The following MACF1 variants were observed in gnomAD, a reference collection of about 807,000 sequenced individuals.
The protein encoded by MACF1 is microtubule actin crosslinking factor 1.
In MACF1, 193 loss-of-function variants were observed where a neutral mutation model predicts 854.8. The observed-to-expected ratio is 0.23, with a 90% CI of 0.20 to 0.25. MACF1 has a LOEUF of 0.25. Ranked by LOEUF, MACF1 falls within the 10% of genes least tolerant of loss-of-function variation. The pLI is 1.00. For synonymous variants in MACF1, 3,185 were observed against 3,226.7 expected, an observed-to-expected ratio of 0.99 and a Z score of 0.44; for missense variants, 7,722 against 8,929.1, an observed-to-expected ratio of 0.86 and a Z score of 5.45.
At chr1:39,093,643 AC>A (rs1641866933) in intron 2 of MACF1, among the ~76,000 whole-genome samples, 1 of 151,544 alleles carries the variant, frequency 6.6e-6, no homozygotes, top group African/African-American at 2.4e-5. Flanking sequence ...ACGCCATCAC[AC>A]CCAGCTAATT....
intron 21 of MACF1, 131 bp from the exon 22 acceptor site, chr1:39,300,079 C>T: frequency 2.3e-6 from 2 of 881,986 alleles, no homozygotes; most frequent in East Asian, 2.6e-5. Flanking sequence ...TTTAAGATGG[C>T]TCCACCAACC....
intron 2 of MACF1, among the ~76,000 whole-genome samples, chr1:39,110,230 C>CTTTTTTTTTTT (rs5773651): frequency 2.4e-5 from 2 of 84,564 alleles, no homozygotes; most frequent in Non-Finnish European, 4.2e-5. Context: ...GGATGTTGTT[C>CTTTTTTTTTTT]TTTTTTTTTT....
At chr1:39,207,986 T>C (rs1479738603) in intron 1 of MACF1, among the ~76,000 whole-genome samples, 6 of 151,362 alleles carry the variant, frequency 4.0e-5, no homozygotes, top group Non-Finnish European at 8.8e-5. Flanking sequence ...ATACAAAAAT[T>C]AGCTGGTGTG....
rs1570251211 is a variant in MACF1, at chr1:39,484,648, T to C, written c.22329T>C (p.Phe7443=). The change falls in exon 100 of 101, where the codon TTT becomes TTC. Residue 7443 remains phenylalanine (F), a synonymous_variant. Transcript: ENST00000564288. ...GSKLKRPTPT[F]HSSRTSLAGD... is the part of the protein sequence containing the mutation. ...AGTTGAAACGACCAACACCAACTTT[T>C]CATTCTAGTCGGACATCCCTTGCTG... The C allele has an allele frequency of 6.2e-7, 1 of 1,614,162 alleles. No homozygotes were observed.
At position 39,378,421 on chromosome 1, in the gene MACF1, G is replaced by C. The variant is rs777730575; in HGVS notation, c.13214-40G>C. 9.3e-6 allele frequency: 14 copies of C among 1,503,824 alleles called. No individual in the cohort carries two copies. In the East Asian group the frequency reaches 2.3e-4, roughly 24 times the overall value. The allele number at this position is 1,503,824 out of a possible 1,614,324, so 93.2% of individuals were successfully genotyped here. A position where few individuals can be genotyped will look rare whatever the true frequency, so the allele number is the denominator to read the frequency against. ...CAGTGCCTATATGTATTCCTAACACGTTGGTCTTGCCCTGTTTGTCTCCCT... is the reference window on the plus strand; with the variant it reads ...CAGTGCCTATATGTATTCCTAACACCTTGGTCTTGCCCTGTTTGTCTCCCT... On this transcript the variant is annotated intron_variant, in intron 52 of 100. Transcript: ENST00000564288.
chr1:39,124,716 T>C (rs1461151165), intron 2 of MACF1, among the ~76,000 whole-genome samples: 1 of 152,260 alleles, frequency 6.6e-6, no homozygotes, highest in Non-Finnish European at 1.5e-5. Flanking sequence ...TTAACACATC[T>C]TGTACTTATT....
At chr1:39,299,605 T>C (rs1645999200) in intron 21 of MACF1, among the ~76,000 whole-genome samples, 1 of 152,198 alleles carries the variant, frequency 6.6e-6, no homozygotes. Context: ...CAGCAAATAC[T>C]AAGAGGTAAA....
intron 2 of MACF1, among the ~76,000 whole-genome samples, chr1:39,129,771 A>G (rs1009838008): frequency 1.3e-5 from 2 of 152,126 alleles, no homozygotes; most frequent in African/African-American, 2.4e-5. Flanking sequence ...ACACCCTCCT[A>G]TCACACACAC....
In MACF1 at chr1:39,334,007, T is replaced by C. The variant is rs16826077; in HGVS notation, c.7419T>C (p.Asp2473=). Residue 2473 remains aspartate (D), a synonymous_variant, in exon 37 of 101, where the codon GAT becomes GAC. Coordinates refer to ENST00000564288, the MANE Select transcript of MACF1 (RefSeq NM_001394062.1). ...AAACAACAGGACTTATAGACCCTGA[T>C]AGTAAAGCACCTTTAACAGTTGTGC... ...QMETTGLIDP[D]SKAPLTVVQS... 37,794 of 1,614,090 alleles carry C rather than the reference T, an allele frequency of 0.023. 1,875 individuals are homozygous for C. The highest frequency in any genetic ancestry group is 0.21 in the African/African-American group (15,649 of 74,974).
intron 2 of MACF1, among the ~76,000 whole-genome samples, chr1:39,117,533 G>GGTGTGT (rs67609869): frequency 0.11 from 15,921 of 147,576 alleles, 889 homozygotes; most frequent in African/African-American, 0.14. Flanking sequence ...ACCTGCAAGA[G>GGTGTGT]GTGTGTGTGT....
chr1:39,174,111 C>T (rs1643992258), intron 2 of MACF1, among the ~76,000 whole-genome samples: 1 of 152,206 alleles, frequency 6.6e-6, no homozygotes, highest in Non-Finnish European at 1.5e-5. Context: ...GTCATTGCTT[C>T]TACTAGCCTT....
chr1:39,166,071 ATT>A (rs11435818), intron 2 of MACF1, among the ~76,000 whole-genome samples: 1 of 144,246 alleles, frequency 6.9e-6, no homozygotes. Flanking sequence ...AGGGCACTAG[ATT>A]TTTTTTTTTT....
At position 39,323,007 on chromosome 1, in the gene MACF1, A is replaced by C. The variant is rs1478687917; in HGVS notation, c.4235A>C (p.Glu1412Ala). 1 of 1,613,470 alleles carries C rather than the reference A, an allele frequency of 6.2e-7. No homozygotes were observed. The highest frequency in any genetic ancestry group is 2.2e-5 in the East Asian group (1 of 44,876). The change falls in exon 33 of 101, where the codon GAG (glutamate) becomes GCG (alanine). Residue 1412 changes from glutamate to alanine, a missense_variant and splice_region_variant. This residue lies in a region of MACF1 where 1,137 missense variants were observed against 1,263.0 expected (regional missense o/e 0.90). Coordinates refer to ENST00000564288, the MANE Select transcript of MACF1 (RefSeq NM_001394062.1). Reference protein sequence around the residue: ...SDALRRLEEEEKVVEEEKQEH... With the variant: ...SDALRRLEEEAKVVEEEKQEH... ...GCACTCCGGCGTCTGGAGGAGGAGG[A>C]GGTGAGGACAGTTGGGTCCAAAGTC...
upstream of MACF1, among the ~76,000 whole-genome samples, chr1:39,203,211 G>A (rs762261581): frequency 1.3e-5 from 2 of 152,118 alleles, no homozygotes; most frequent in Non-Finnish European, 2.9e-5. Context: ...TACTTTAGAA[G>A]TAAGTAAACA....
At chr1:39,370,285 C>A in intron 51 of MACF1, 99 bp downstream of exon 51, 1 of 1,127,324 alleles carries the variant, frequency 8.9e-7, no homozygotes, top group Non-Finnish European at 1.2e-6. Context: ...ATGAGAAATC[C>A]AAGTTGTCAG....
chr1:39,242,225 C>G lies in MACF1; in HGVS notation c.172-7789C>G, dbSNP rs370872926. Among the ~76,000 whole-genome samples, 19 of 152,134 alleles carry G rather than the reference C, an allele frequency of 1.2e-4. No homozygotes were observed. The East Asian group carries it at 3.7e-3, about 30-fold the overall frequency. On this transcript the variant is annotated intron_variant, in intron 2 of 100. Transcript: ENST00000564288. ...ATTAGCTGGGCGTAGCAGCGCATGC[C>G]TGTAGTCCCAGCTACTCGGGAGGCT...
chr1:39,377,806 C>A (rs796689946), intron 52 of MACF1, among the ~76,000 whole-genome samples: 1 of 152,064 alleles, frequency 6.6e-6, no homozygotes, highest in South Asian at 2.1e-4. Context: ...GAGTTTGAGA[C>A]CAGCCTGACC....
At chr1:39,366,388 CA>C (rs1319585314) in intron 49 of MACF1, among the ~76,000 whole-genome samples, 6 of 152,094 alleles carry the variant, frequency 3.9e-5, no homozygotes, top group African/African-American at 1.4e-4. Context: ...GGCTGGAGTG[CA>C]GTGGCATGAT....
chr1:39,282,645 A>G (rs770780362), intron 7 of MACF1, among the ~76,000 whole-genome samples: 2 of 152,206 alleles, frequency 1.3e-5, no homozygotes. Context: ...GGTAAATGCA[A>G]TGGCAGGATT....
Sources: allele counts gnomAD v4.1 joint callset (sites outside exome capture counted in the v4.1 genomes callset), GRCh38; gene constraint gnomAD v4.1.1; regional missense constraint gnomAD v4.1.1; transcripts MANE v1.5; gene names NCBI Gene and HGNC (gene_info 2026-07-23, HGNC 2026-07-21).